VWC2L: variants seen among roughly 807,000 people sequenced by gnomAD.
The protein encoded by VWC2L is von Willebrand factor C domain containing 2 like.
A neutral mutation model predicts 21.6 loss-of-function variants in VWC2L; 10 were observed. The observed-to-expected ratio is 0.46, with a 90% CI of 0.29 to 0.78. The LOEUF (loss-of-function observed/expected upper bound fraction) is 0.78, where lower values mean the gene tolerates loss of function less well. Ranked by LOEUF, VWC2L falls within the 30% of genes least tolerant of loss-of-function variation. The pLI is 0.10. For synonymous variants in VWC2L, 96 were observed against 94.3 expected (o/e 1.02, Z -0.10); for missense variants, 209 against 277.1 (o/e 0.75, Z 1.74).
rs190376447 is a variant in VWC2L, at chr2:214,497,512, T to C, written c.520+60754T>C. 2.3e-3 allele frequency among the ~76,000 whole-genome samples: 346 copies of C among 152,324 alleles called. 5 individuals carry two copies. The highest frequency in any genetic ancestry group is 1.2e-3 in the Non-Finnish European group (85 of 68,030). ...ATAGGTACACAAGTATTATACTCAT[T>C]GCTGCAGTATGGAATTTTTCTTTGT... On this transcript the variant is annotated intron_variant, in intron 3 of 3. Transcript: ENST00000312504.
chr2:214,574,270 C>T (rs1004671772), intron 3 of VWC2L, among the ~76,000 whole-genome samples: 2 of 152,168 alleles, frequency 1.3e-5, no homozygotes, highest in African/African-American at 4.8e-5. Flanking sequence ...CACGCTTGAG[C>T]ACATGCCAAG....
intron 3 of VWC2L, 57 bp downstream of exon 3, chr2:214,436,815 C>G (rs1702685559): frequency 1.2e-6 from 2 of 1,601,330 alleles, no homozygotes; most frequent in Non-Finnish European, 1.7e-6. Context: ...ACAAATATTT[C>G]ACTACTGCAT....
chr2:214,530,112 TTACTC>T (rs1375343342), intron 3 of VWC2L, among the ~76,000 whole-genome samples: 33 of 152,288 alleles, frequency 2.2e-4, no homozygotes, highest in Admixed American at 1.2e-3. Context: ...AAAAATGAAA[TTACTC>T]TATACTTACA....
At chr2:214,458,321 T>C (rs1343744582) in intron 3 of VWC2L, among the ~76,000 whole-genome samples, 1 of 152,088 alleles carries the variant, frequency 6.6e-6, no homozygotes, top group African/African-American at 2.4e-5. Flanking sequence ...GTCTTCTTTT[T>C]TTCATGGTTA....
intron 3 of VWC2L, among the ~76,000 whole-genome samples, chr2:214,570,363 T>C (rs1476413560): frequency 6.6e-6 from 1 of 152,216 alleles, no homozygotes; most frequent in Non-Finnish European, 1.5e-5. Context: ...AAACAGAATG[T>C]GGAAAATTAT....
chr2:214,560,751 T>A (rs1289532633), intron 3 of VWC2L, among the ~76,000 whole-genome samples: 2 of 152,156 alleles, frequency 1.3e-5, no homozygotes, highest in Non-Finnish European at 2.9e-5. Flanking sequence ...CCCAAAATGG[T>A]TCCGAATGCC....
chr2:214,458,271 A>G (rs1210377330), intron 3 of VWC2L, among the ~76,000 whole-genome samples: 1 of 151,932 alleles, frequency 6.6e-6, no homozygotes, highest in Non-Finnish European at 1.5e-5. Flanking sequence ...CTGTAGTATC[A>G]GTTGTAATGT....
intron 3 of VWC2L, among the ~76,000 whole-genome samples, chr2:214,519,652 G>C (rs1417464361): frequency 1.3e-5 from 2 of 152,138 alleles, no homozygotes; most frequent in African/African-American, 4.8e-5. Context: ...TAGTAGCCTG[G>C]TCTCCAATTA....
chr2:214,499,718 T>G (rs995318139), intron 3 of VWC2L, among the ~76,000 whole-genome samples: 4 of 152,220 alleles, frequency 2.6e-5, no homozygotes, highest in Non-Finnish European at 4.4e-5. Context: ...TGAGCTGTCA[T>G]TTTTTATTCA....
chr2:214,461,489 A>G lies in VWC2L; in HGVS notation c.520+24731A>G, dbSNP rs115491879. Among the ~76,000 whole-genome samples, 471 of 152,214 alleles carry G rather than the reference A, an allele frequency of 3.1e-3. 3 individuals are homozygous for G. The highest frequency in any genetic ancestry group is 0.011 in the African/African-American group (448 of 41,532). ...AGTGGCAGGCTGGGTGACGCTAACCATGGTGTTCAGGTCAGAGCATTGCCT... is the reference window on the plus strand; with the variant it reads ...AGTGGCAGGCTGGGTGACGCTAACCGTGGTGTTCAGGTCAGAGCATTGCCT... On this transcript the variant is annotated intron_variant, in intron 3 of 3. Coordinates refer to ENST00000312504, the MANE Select transcript of VWC2L (RefSeq NM_001080500.4).
In VWC2L at chr2:214,507,967, T is replaced by C. The variant is rs572368484; in HGVS notation, c.521-67705T>C. Among the ~76,000 whole-genome samples, 8 of 152,308 alleles carry C rather than the reference T, an allele frequency of 5.3e-5. No homozygotes were observed. In the South Asian group the frequency reaches 1.7e-3, roughly 32 times the overall value. On this transcript the variant is annotated intron_variant, in intron 3 of 3. Coordinates refer to ENST00000312504, the MANE Select transcript of VWC2L (RefSeq NM_001080500.4). The stretch of plus-strand genomic sequence containing the variant: ...AGGGCTTAAGTTATCCTTTCTTTTG[T>C]GCACTTATATTTATTTATTTATTTA...
intron 3 of VWC2L, among the ~76,000 whole-genome samples, chr2:214,479,831 C>T (rs2126196458): frequency 6.6e-6 from 1 of 152,260 alleles, no homozygotes; most frequent in East Asian, 1.9e-4. Context: ...GAAGAAAGAA[C>T]ATTCAATCTA....
chr2:214,561,811 C>T (rs868855377), intron 3 of VWC2L, among the ~76,000 whole-genome samples: 2,878 of 98,010 alleles, frequency 0.029, 190 homozygotes, highest in African/African-American at 0.14. Flanking sequence ...TATATATATA[C>T]ACACACATAT....
intron 3 of VWC2L, among the ~76,000 whole-genome samples, chr2:214,442,650 T>C (rs1021189987): frequency 6.6e-6 from 1 of 151,896 alleles, no homozygotes; most frequent in Non-Finnish European, 1.5e-5. Context: ...CAAATCTATA[T>C]TTATAATTTA....
intron 3 of VWC2L, among the ~76,000 whole-genome samples, chr2:214,553,321 T>C (rs779607325): frequency 3.0e-4 from 45 of 152,378 alleles, no homozygotes; most frequent in Non-Finnish European, 4.6e-4. Flanking sequence ...GGGGATCATG[T>C]GCCCAAAGTG....
intron 3 of VWC2L, among the ~76,000 whole-genome samples, chr2:214,480,555 A>G (rs1269322437): frequency 6.6e-6 from 1 of 152,168 alleles, no homozygotes; most frequent in Admixed American, 6.5e-5. Context: ...AGAAATCTAG[A>G]ATAAATCAGT....
chr2:214,454,803 C>T lies in VWC2L; in HGVS notation c.520+18045C>T, dbSNP rs1191331504. On this transcript the variant is annotated intron_variant, in intron 3 of 3. Transcript: ENST00000312504. ...ATTTTTAGTAGAGATGGAGTTTCAC[C>T]GTGTTAGCCAGGATGGTCTTGATTT... 2.6e-5 allele frequency among the ~76,000 whole-genome samples: 4 copies of T among 151,620 alleles called. No individual in the cohort carries two copies. The East Asian group carries it at 5.8e-4, about 22-fold the overall frequency.
intron 3 of VWC2L, among the ~76,000 whole-genome samples, chr2:214,467,345 T>C (rs941658557): frequency 7.0e-6 from 1 of 143,112 alleles, no homozygotes; most frequent in Non-Finnish European, 1.5e-5. Context: ...TTGAGTTTTC[T>C]GAGAAGCTCA....
At chr2:214,422,166 G>A (rs989166536) in intron 2 of VWC2L, among the ~76,000 whole-genome samples, 1 of 151,996 alleles carries the variant, frequency 6.6e-6, no homozygotes, top group Non-Finnish European at 1.5e-5. Context: ...GGGATTACAG[G>A]CGTGAGCCAC....
Sources: allele counts gnomAD v4.1 joint callset (sites outside exome capture counted in the v4.1 genomes callset), GRCh38; gene constraint gnomAD v4.1.1; transcripts MANE v1.5; gene names NCBI Gene and HGNC (gene_info 2026-07-23, HGNC 2026-07-21).